SNX2: variants seen among roughly 807,000 people sequenced by gnomAD.
The protein encoded by SNX2 is sorting nexin-2.
A neutral mutation model predicts 69.9 loss-of-function variants in SNX2; 25 were observed. The observed-to-expected ratio is 0.36, with a 90% CI of 0.26 to 0.50. SNX2 has a LOEUF of 0.50. Ranked by LOEUF, SNX2 falls within the 20% of genes least tolerant of loss-of-function variation. The pLI is 0.97. For missense variants in SNX2, 551 were observed against 613.3 expected, an observed-to-expected ratio of 0.90 and a Z score of 1.07; for synonymous variants, 229 against 200.4, an observed-to-expected ratio of 1.14 and a Z score of -1.20.
At chr5:122,793,765 T>C (rs1753303234) in intron 1 of SNX2, among the ~76,000 whole-genome samples, 1 of 149,600 alleles carries the variant, frequency 6.7e-6, no homozygotes, top group African/African-American at 2.5e-5. Context: ...AAAAAAAAAT[T>C]AGCTGGGCGT....
chr5:122,826,158 G>A lies in SNX2; in HGVS notation c.1321G>A (p.Asp441Asn), dbSNP rs753017526. Residue 441 changes from aspartate to asparagine, a missense_variant, in exon 12 of 15, where the codon GAT becomes AAT. Physicochemically the swap from Asp to Asn is conservative, Grantham distance 23 (BLOSUM62 1). Around this residue, in one of 2 missense-constraint regions of SNX2, gnomAD observed 360 missense variants for 450.4 expected, o/e 0.80. Coordinates refer to ENST00000379516, the MANE Select transcript of SNX2 (RefSeq NM_003100.4). ...AAAAATGATGGTTGCTAACAAACCAGATAAAATACAGCAAGCTAAAAATGA... is the reference window on the plus strand; with the variant it reads ...AAAAATGATGGTTGCTAACAAACCAAATAAAATACAGCAAGCTAAAAATGA... ...EAKMMVANKP[D>N]KIQQAKNEIR... is the part of the protein sequence containing the mutation. The A allele has an allele frequency of 6.2e-7, 1 of 1,612,812 alleles. No homozygotes were observed. Among genetic ancestry groups the A allele is most frequent in the Non-Finnish European group, 8.5e-7 (1 of 1,179,196 alleles).
chr5:122,817,400 T>A (rs1214964595), intron 10 of SNX2, 27 bp downstream of exon 10: 1 of 1,418,592 alleles, frequency 7.0e-7, no homozygotes, highest in Admixed American at 1.8e-5. Context: ...ACTTACGTAG[T>A]TAGCACCATA....
In SNX2 at chr5:122,817,233, A is replaced by G. The variant is rs570299425; in HGVS notation, c.913-47A>G. 11 of 1,549,792 alleles carry G rather than the reference A, an allele frequency of 7.1e-6. No homozygotes were observed. In the East Asian group the frequency reaches 1.1e-4, roughly 16 times the overall value. On this transcript the variant is annotated intron_variant, in intron 9 of 14. Transcript: ENST00000379516. ...CTTGCTATTGGTAACCTAATTTACA[A>G]TGGTTTGTTCTTCCTAAATTAGCTC...
At position 122,834,245 on chromosome 5, in the gene SNX2, G is replaced by A. The variant is rs1422029990; in HGVS notation, c.*4597G>A. 1 of 152,182 alleles carries A rather than the reference G, an allele frequency of 6.6e-6. No homozygotes were observed. The highest frequency in any genetic ancestry group is 1.5e-5 in the Non-Finnish European group (1 of 68,008). The allele number at this position is 152,182 out of a possible 1,614,324, so 9.4% of individuals were successfully genotyped here. ...TAAGATTGTAGAAGATAGGGAAGCT[G>A]TAGTTTACTATCTAGTTTTTTAATG... On this transcript the variant is annotated 3_prime_UTR_variant, in exon 15 of 15. Coordinates refer to ENST00000379516, the MANE Select transcript of SNX2 (RefSeq NM_003100.4).
intron 6 of SNX2, among the ~76,000 whole-genome samples, chr5:122,806,142 G>GCACGCGCGCGCACACACACACACACACA (rs1554063175): frequency 1.9e-4 from 25 of 130,650 alleles, no homozygotes; most frequent in African/African-American, 7.2e-4. Flanking sequence ...ACACGCGCGC[G>GCACGCGCGCGCACACACACACACACACA]CACACACACA....
chr5:122,788,995 T>TAA (rs1753150371), intron 1 of SNX2, among the ~76,000 whole-genome samples: 1 of 152,246 alleles, frequency 6.6e-6, no homozygotes, highest in South Asian at 2.1e-4. Context: ...GACTATATCT[T>TAA]AAACATCCCA....
In SNX2 at chr5:122,818,787, C is replaced by G. The variant is rs781167509; in HGVS notation, c.1007-31C>G. The G allele has an allele frequency of 8.2e-6, 13 of 1,586,878 alleles. No homozygotes were observed. In the South Asian group the frequency reaches 1.3e-4, roughly 16 times the overall value. On this transcript the variant is annotated intron_variant, in intron 10 of 14. Transcript: ENST00000379516. Reference sequence around the variant, plus strand: ...TATTTTAAAATTTTATGAGTGAACACTAAAATTGCATACTTTTTTTTAAAT... The same window carrying G: ...TATTTTAAAATTTTATGAGTGAACAGTAAAATTGCATACTTTTTTTTAAAT...
At chr5:122,818,697 T>TA (rs1188326675) in intron 10 of SNX2, 121 bp from the exon 11 acceptor site, 99 of 752,532 alleles carry the variant, frequency 1.3e-4, no homozygotes, top group Non-Finnish European at 1.9e-4. Context: ...TTAATTAATT[T>TA]AAAATATTAT....
At chr5:122,795,655 C>G (rs1167651348) in intron 2 of SNX2, 1 of 263,916 alleles carries the variant, frequency 3.8e-6, no homozygotes, top group Non-Finnish European at 7.1e-6. Context: ...ATGCAAAAGA[C>G]TAATCATTGT....
At chr5:122,788,008 G>T (rs1018762772) in intron 1 of SNX2, among the ~76,000 whole-genome samples, 2 of 151,978 alleles carry the variant, frequency 1.3e-5, no homozygotes, top group African/African-American at 4.8e-5. Context: ...TTTACCCAAG[G>T]TTTGCTCTTG....
At chr5:122,786,273 T>A (rs988003645) in intron 1 of SNX2, among the ~76,000 whole-genome samples, 3 of 152,162 alleles carry the variant, frequency 2.0e-5, no homozygotes, top group Admixed American at 1.3e-4. Context: ...GCAACATGTG[T>A]GTAGTTATTT....
At position 122,775,090 on chromosome 5, in the gene SNX2, T is replaced by G; in HGVS notation, c.-14T>G. ...CGCGAGGCCCAGCTCGCGCAGTCGTTCGGGTGAGCGAAGATGGCGGCCGAG... is the reference window on the plus strand; with the variant it reads ...CGCGAGGCCCAGCTCGCGCAGTCGTGCGGGTGAGCGAAGATGGCGGCCGAG... On this transcript the variant is annotated 5_prime_UTR_variant, in exon 1 of 15. Coordinates refer to ENST00000379516, the MANE Select transcript of SNX2 (RefSeq NM_003100.4). The G allele has an allele frequency of 6.4e-7, 1 of 1,574,742 alleles. No homozygotes were observed. Among genetic ancestry groups the G allele is most frequent in the Non-Finnish European group, 8.6e-7 (1 of 1,161,174 alleles).
intron 11 of SNX2, among the ~76,000 whole-genome samples, chr5:122,820,503 TC>T (rs1395547794): frequency 6.6e-6 from 1 of 151,538 alleles, no homozygotes; most frequent in African/African-American, 2.4e-5. Context: ...GCAACTGCAC[TC>T]CAGCCTGGCG....
intron 1 of SNX2, among the ~76,000 whole-genome samples, chr5:122,776,825 T>G (rs372316072): frequency 1.7e-4 from 26 of 152,270 alleles, no homozygotes; most frequent in East Asian, 1.5e-3. Flanking sequence ...AATCTGTATT[T>G]CCCATGTGAA....
At chr5:122,820,798 C>T (rs762571955) in intron 11 of SNX2, among the ~76,000 whole-genome samples, 11 of 152,206 alleles carry the variant, frequency 7.2e-5, no homozygotes, top group East Asian at 1.9e-4. Context: ...TCCCTGTTTG[C>T]GAGATTCAGA....
In SNX2 at chr5:122,795,386, A is replaced by G; in HGVS notation, c.226+3A>G. On this transcript the variant is annotated splice_donor_region_variant and intron_variant, in intron 2 of 14. Transcript: ENST00000379516. ...TGACAGAGAAGATCTTTTTGCAGGT[A>G]ATTGTCATGTATTTATTTTTTAATA... 6.4e-7 allele frequency: 1 copy of G among 1,565,460 alleles called. No individual in the cohort carries two copies. Among genetic ancestry groups the G allele is most frequent in the Non-Finnish European group, 8.8e-7 (1 of 1,137,532 alleles).
At chr5:122,809,601 T>G (rs758304010) in intron 7 of SNX2, among the ~76,000 whole-genome samples, 3 of 152,198 alleles carry the variant, frequency 2.0e-5, no homozygotes, top group Non-Finnish European at 2.9e-5. Flanking sequence ...TTTCACTGGT[T>G]TTTTTGTTTG....
chr5:122,781,425 G>T (rs1245578105), intron 1 of SNX2, among the ~76,000 whole-genome samples: 12 of 152,172 alleles, frequency 7.9e-5, no homozygotes, highest in African/African-American at 2.7e-4. Context: ...GGACATTTCA[G>T]TTGTTTCCAG....
chr5:122,792,751 G>T (rs975982083), intron 1 of SNX2, among the ~76,000 whole-genome samples: 4 of 152,246 alleles, frequency 2.6e-5, no homozygotes, highest in East Asian at 3.9e-4. Context: ...ATCTGACAAA[G>T]AATTTTTATC....
Sources: gnomAD v4.1 joint callset for allele counts (sites outside exome capture counted in the v4.1 genomes callset) on GRCh38, gnomAD v4.1.1 for gene constraint, gnomAD v4.1.1 regional missense constraint, MANE v1.5 for transcripts, NCBI Gene and HGNC (gene_info 2026-07-23, HGNC 2026-07-21) for gene names.